The following SHB variants were observed in gnomAD, a reference collection of about 807,000 sequenced individuals.
The protein encoded by SHB is SH2 domain-containing adapter protein B.
SHB carries 20 observed loss-of-function variants against 52.3 expected under a neutral mutation model. The observed-to-expected ratio is 0.38, with a 90% confidence interval of 0.27 to 0.56. SHB has a LOEUF of 0.56. Among genes scored for constraint, SHB ranks in the 20% least tolerant of loss-of-function variants. The pLI is 0.71. For missense variants in SHB, 825 were observed against 723.3 expected, an observed-to-expected ratio of 1.14 and a Z score of -1.61; for synonymous variants, 397 against 316.5, an observed-to-expected ratio of 1.25 and a Z score of -2.70.
chr9:38,012,749 G>A (rs115404659), intron 2 of SHB, among the ~76,000 whole-genome samples: 12 of 151,050 alleles, frequency 7.9e-5, no homozygotes, highest in African/African-American at 2.7e-4. Flanking sequence ...CACACGGAGG[G>A]CACAGCCTTC....
chr9:38,055,513 G>C (rs535924615), intron 1 of SHB, among the ~76,000 whole-genome samples: 8 of 152,032 alleles, frequency 5.3e-5, no homozygotes, highest in Admixed American at 3.3e-4. Context: ...GACCAAAATC[G>C]TGTGGCCCAC....
intron 1 of SHB, among the ~76,000 whole-genome samples, chr9:38,049,072 G>A (rs1035907102): frequency 6.6e-6 from 1 of 152,198 alleles, no homozygotes; most frequent in Non-Finnish European, 1.5e-5. Context: ...CTAGACTGGA[G>A]TGCAGTAGCG....
chr9:38,067,988 G>C lies in SHB; in HGVS notation c.658C>G (p.Leu220Val), dbSNP rs1444157150. The C allele has an allele frequency of 1.9e-6, 3 of 1,546,518 alleles. No individual in the cohort carries two copies. In the South Asian group the frequency reaches 3.6e-5, roughly 18 times the overall value. The change falls in exon 1 of 6, where the codon CTG becomes GTG. Residue 220 changes from leucine (L) to valine (V), a missense_variant. Leu to Val is a conservative substitution (Grantham distance 32). Coordinates refer to ENST00000377707, the MANE Select transcript of SHB (RefSeq NM_003028.3). ...GCTGAGGCGGCGCACTTGTTGAGCA[G>C]TTTCTTGCCTCCGCAGGCCGTCGGG... ...WSPTACGGKK[L>V]LNKCAASAAE...
chr9:38,016,690 C>A (rs1821218093), intron 1 of SHB, among the ~76,000 whole-genome samples: 1 of 152,112 alleles, frequency 6.6e-6, no homozygotes, highest in Non-Finnish European at 1.5e-5. Context: ...TCACTGTGGC[C>A]CCAGACAGAC....
chr9:37,930,682 T>C (rs2118472187), intron 5 of SHB, among the ~76,000 whole-genome samples: 1 of 152,310 alleles, frequency 6.6e-6, no homozygotes, highest in African/African-American at 2.4e-5. Context: ...AAAGTAAAGA[T>C]GAGAAACTCA....
chr9:38,067,780 G>A (rs921842370), intron 1 of SHB, 149 bp downstream of exon 1: 18 of 854,210 alleles, frequency 2.1e-5, no homozygotes, highest in Non-Finnish European at 2.8e-5. Context: ...CGCGGGAGGA[G>A]GCAGAAGCGG....
At chr9:37,947,896 T>C (rs1408037037) in intron 5 of SHB, among the ~76,000 whole-genome samples, 1 of 152,242 alleles carries the variant, frequency 6.6e-6, no homozygotes, top group Non-Finnish European at 1.5e-5. Flanking sequence ...TCTCTATATG[T>C]CCTTGGCAAA....
At chr9:38,049,677 T>C (rs1247935276) in intron 1 of SHB, among the ~76,000 whole-genome samples, 2 of 147,546 alleles carry the variant, frequency 1.4e-5, no homozygotes, top group African/African-American at 2.5e-5. Context: ...AGAGGTCAAG[T>C]GACTTGCCCA....
At chr9:38,022,946 T>C (rs765066395) in intron 1 of SHB, among the ~76,000 whole-genome samples, 13 of 152,206 alleles carry the variant, frequency 8.5e-5, no homozygotes, top group Non-Finnish European at 1.9e-4. Context: ...GTCAGCTGGC[T>C]GGATGCCACA....
chr9:38,033,733 C>T (rs1280179133), intron 1 of SHB, among the ~76,000 whole-genome samples: 1 of 152,104 alleles, frequency 6.6e-6, no homozygotes, highest in Non-Finnish European at 1.5e-5. Context: ...CAGCCCCAGC[C>T]TCTCCATAAC....
At chr9:37,926,263 C>T (rs73455503) in intron 5 of SHB, among the ~76,000 whole-genome samples, 2,068 of 151,464 alleles carry the variant, frequency 0.014, 50 homozygotes, top group African/African-American at 0.047. Context: ...ACAACTTCTG[C>T]TCTCCTCCTG....
intron 1 of SHB, 95 bp downstream of exon 1, chr9:38,067,834 G>A (rs1010281496): frequency 2.3e-6 from 3 of 1,295,154 alleles, no homozygotes; most frequent in Non-Finnish European, 3.0e-6. Flanking sequence ...GGCCGAAGCT[G>A]AAGTAGAGAC....
At chr9:37,959,979 C>T (rs1258433314) in intron 3 of SHB, among the ~76,000 whole-genome samples, 1 of 152,094 alleles carries the variant, frequency 6.6e-6, no homozygotes, top group African/African-American at 2.4e-5. Flanking sequence ...TGCTGTTTAG[C>T]TTTATTGGGA....
chr9:37,945,532 G>A (rs547568848), intron 5 of SHB, among the ~76,000 whole-genome samples: 1 of 152,220 alleles, frequency 6.6e-6, no homozygotes, highest in Non-Finnish European at 1.5e-5. Flanking sequence ...TCAGGGGAAA[G>A]CTGGGCAGGT....
At chr9:38,004,152 T>C (rs544821308) in intron 2 of SHB, among the ~76,000 whole-genome samples, 1 of 152,112 alleles carries the variant, frequency 6.6e-6, no homozygotes, top group South Asian at 2.1e-4. Context: ...TACTGGAAAA[T>C]GGAAACAACC....
At chr9:38,003,093 C>A (rs1199955781) in intron 2 of SHB, among the ~76,000 whole-genome samples, 1 of 152,060 alleles carries the variant, frequency 6.6e-6, no homozygotes, top group African/African-American at 2.4e-5. Context: ...GTAAATTAGA[C>A]AATAATTAAA....
At chr9:38,033,319 G>A (rs755571590) in intron 1 of SHB, among the ~76,000 whole-genome samples, 4 of 152,178 alleles carry the variant, frequency 2.6e-5, no homozygotes, top group Non-Finnish European at 4.4e-5. Context: ...CCATTTATCA[G>A]GGATAACACC....
chr9:38,015,481 C>T (rs1414493897), intron 2 of SHB: 2 of 702,972 alleles, frequency 2.8e-6, no homozygotes, highest in Non-Finnish European at 5.2e-6. Flanking sequence ...TCCTGTAAAC[C>T]TGTCATGTAG....
At chr9:38,040,257 G>C (rs1331005289) in intron 1 of SHB, among the ~76,000 whole-genome samples, 1 of 152,222 alleles carries the variant, frequency 6.6e-6, no homozygotes, top group Non-Finnish European at 1.5e-5. Context: ...TGCGCCACTG[G>C]CTGGCCATGT....
Sources: allele counts gnomAD v4.1 joint callset (sites outside exome capture counted in the v4.1 genomes callset), GRCh38; gene constraint gnomAD v4.1.1; transcripts MANE v1.5; gene names NCBI Gene and HGNC (gene_info 2026-07-23, HGNC 2026-07-21).